The following PIK3C3 variants were observed in gnomAD, a reference collection of about 807,000 sequenced individuals.
The protein encoded by PIK3C3 is PI3-kinase type 3.
PIK3C3 carries 95 observed loss-of-function variants against 126.1 expected under a neutral mutation model. The observed-to-expected ratio is 0.75, with a 90% CI of 0.64 to 0.89. The LOEUF is 0.89. Among genes scored for constraint, PIK3C3 ranks in the 40% least tolerant of loss-of-function variants. The probability of loss-of-function intolerance (pLI) is 0.00; values close to 1 mark genes in which losing one functional copy is unlikely to be tolerated. For missense variants in PIK3C3, 829 were observed against 1,063.2 expected (o/e 0.78, Z 3.06); for synonymous variants, 374 against 360.0 (o/e 1.04, Z -0.44).
At chr18:42,076,210 ACATATATATATG>A (rs1568013995) in intron 24 of PIK3C3, among the ~76,000 whole-genome samples, 81 of 141,422 alleles carry the variant, frequency 5.7e-4, no homozygotes, top group African/African-American at 1.9e-3. Context: ...ATATATATGC[ACATATATATATG>A]CATATATATA....
chr18:42,057,544 A>G (rs1985126425), intron 21 of PIK3C3: 1 of 193,226 alleles, frequency 5.2e-6, no homozygotes, highest in Non-Finnish European at 1.0e-5. Flanking sequence ...AAAATTTTCT[A>G]CAAGATTCCA....
At chr18:41,991,405 T>C (rs937181671) in intron 6 of PIK3C3, among the ~76,000 whole-genome samples, 1 of 152,094 alleles carries the variant, frequency 6.6e-6, no homozygotes, top group Non-Finnish European at 1.5e-5. Context: ...TGAAACCACA[T>C]AAAGTATCTT....
At chr18:42,072,855 C>CT (rs1985832951) in intron 24 of PIK3C3, among the ~76,000 whole-genome samples, 1 of 152,060 alleles carries the variant, frequency 6.6e-6, no homozygotes, top group Non-Finnish European at 1.5e-5. Context: ...CTTTACAGTG[C>CT]TTTCGAGGGT....
At chr18:42,056,990 A>G (rs1985094647) in intron 21 of PIK3C3, among the ~76,000 whole-genome samples, 4 of 151,214 alleles carry the variant, frequency 2.6e-5, no homozygotes, top group Admixed American at 2.6e-4. Context: ...ATTAAAGCCC[A>G]TTTTGGGATT....
Position 42,079,415 on chromosome 18 carries a change from G to A in PIK3C3, c.2650-1708G>A, listed in dbSNP as rs187858620. On this transcript the variant is annotated intron_variant, in intron 24 of 24. Transcript: ENST00000262039. Reference sequence around the variant, plus strand: ...ATTTACAATAGTGATAACGAAGATCGCTGATCATAGATCACCATAGCAGGT... The same window carrying A: ...ATTTACAATAGTGATAACGAAGATCACTGATCATAGATCACCATAGCAGGT... 2.5e-3 allele frequency among the ~76,000 whole-genome samples: 387 copies of A among 152,220 alleles called. 2 individuals carry two copies. The highest frequency in any genetic ancestry group is 9.0e-3 in the African/African-American group (374 of 41,532).
rs1598971445 is a variant in PIK3C3, at chr18:42,085,933, A to G, written c.*4796A>G. ...AAACTCCATCTCTTCAAAAATATAT[A>G]TTTGTGTGTGTGTGTGTGTGTATGT... On this transcript the variant is annotated 3_prime_UTR_variant, in exon 25 of 25. Coordinates refer to ENST00000262039, the MANE Select transcript of PIK3C3 (RefSeq NM_002647.4). The G allele has an allele frequency of 8.5e-6, 1 of 118,242 alleles. No homozygotes were observed. Among genetic ancestry groups the G allele is most frequent in the African/African-American group, 4.2e-5 (1 of 23,732 alleles). 7.3% of individuals were successfully genotyped at this position (118,242 alleles called of 1,614,324 possible). A position where few individuals can be genotyped will look rare whatever the true frequency, so the allele number is the denominator to read the frequency against.
chr18:42,038,771 T>G lies in PIK3C3; in HGVS notation c.1969-10T>G. ...CATTTGGTTAATATATTTTACCTTT[T>G]GATTAAAAGCTGTTACGGAAAGAAA... On this transcript the variant is annotated splice_polypyrimidine_tract_variant and intron_variant, in intron 17 of 24. Transcript: ENST00000262039. 6.4e-7 allele frequency: 1 copy of G among 1,574,606 alleles called. No individual in the cohort carries two copies. The highest frequency in any genetic ancestry group is 1.1e-5 in the South Asian group (1 of 89,722).
At chr18:41,973,032 C>T (rs1980744446) in intron 4 of PIK3C3, among the ~76,000 whole-genome samples, 1 of 152,046 alleles carries the variant, frequency 6.6e-6, no homozygotes, top group South Asian at 2.1e-4. Flanking sequence ...TTTGCAAAAT[C>T]AGGTGTTTAG....
chr18:42,038,703 T>A (rs1395840692), intron 17 of PIK3C3, 78 bp from the exon 18 acceptor site: 1 of 840,080 alleles, frequency 1.2e-6, no homozygotes, highest in Non-Finnish European at 2.0e-6. Context: ...TACATTAAAC[T>A]GCTATACTAT....
At chr18:41,962,302 A>G (rs1183513611) in intron 2 of PIK3C3, among the ~76,000 whole-genome samples, 187 bp from the exon 3 acceptor site, 1 of 152,142 alleles carries the variant, frequency 6.6e-6, no homozygotes, top group Admixed American at 6.5e-5. Flanking sequence ...TATTAAAACA[A>G]TTATGTTTTT....
In PIK3C3 at chr18:41,957,751, A is replaced by T. The variant is rs1161597156; in HGVS notation, c.250A>T (p.Arg84Ter). The change falls in exon 2 of 25, where the codon AGA (arginine) becomes TGA (stop). Residue 84 changes from arginine to a stop codon, truncating the protein, a stop_gained. Transcript: ENST00000262039. LOFTEE classifies it high-confidence loss of function. Reference protein sequence around the residue: ...VRTSYKAFSTRWNWNEWLKLP... With the variant: ...VRTSYKAFST Reference sequence around the variant, plus strand: ...AACATCCTACAAAGCATTTAGTACAAGATGGAAGTAAGTTTTTTTGTGGCA... The same window carrying T: ...AACATCCTACAAAGCATTTAGTACATGATGGAAGTAAGTTTTTTTGTGGCA... The T allele has an allele frequency of 6.2e-7, 1 of 1,608,012 alleles. No individual in the cohort carries two copies. Among genetic ancestry groups the T allele is most frequent in the Non-Finnish European group, 8.5e-7 (1 of 1,178,256 alleles).
At chr18:41,997,235 GGAGA>G (rs1247712273) in intron 9 of PIK3C3, among the ~76,000 whole-genome samples, 1 of 152,092 alleles carries the variant, frequency 6.6e-6, no homozygotes, top group African/African-American at 2.4e-5. Flanking sequence ...AGATGTGGCT[GGAGA>G]GAGAGTATGA....
intron 14 of PIK3C3, among the ~76,000 whole-genome samples, chr18:42,028,938 T>A (rs938692002): frequency 7.2e-5 from 11 of 152,240 alleles, no homozygotes; most frequent in African/African-American, 2.7e-4. Flanking sequence ...ATCTATATCT[T>A]TGTTTCTGCC....
intron 9 of PIK3C3, among the ~76,000 whole-genome samples, chr18:42,000,283 C>G (rs535325172): frequency 3.0e-4 from 46 of 152,084 alleles, no homozygotes; most frequent in Non-Finnish European, 4.9e-4. Flanking sequence ...AACTACTGGC[C>G]TCAGGTGATC....
chr18:42,007,849 ATTCATC>A (rs1467439899), intron 10 of PIK3C3, among the ~76,000 whole-genome samples: 1 of 152,198 alleles, frequency 6.6e-6, no homozygotes, highest in Non-Finnish European at 1.5e-5. Flanking sequence ...GTAGTTCAAT[ATTCATC>A]TTTGTCTTGT....
At chr18:41,961,035 T>G (rs1980058641) in intron 2 of PIK3C3, among the ~76,000 whole-genome samples, 2 of 152,132 alleles carry the variant, frequency 1.3e-5, no homozygotes. Flanking sequence ...AGAACTCTTC[T>G]GCAGAAGCCT....
rs776412741 is a variant in PIK3C3 at position 42,043,803 on chromosome 18, AC to A, written c.2175del (p.Tyr725Ter). ...ATTAGTGCTGAGGTCATGGACACTT[AC>A]GTTAAAAGCTGTGGTAAGTTTTTCA... ...NGISAEVMDT[Y>X]VKSCAGYCVI... On this transcript the variant is annotated frameshift_variant, in exon 20 of 25. Coordinates refer to ENST00000262039, the MANE Select transcript of PIK3C3 (RefSeq NM_002647.4). LOFTEE classifies it high-confidence loss of function. 13 of 1,611,900 alleles carry A rather than the reference AC, an allele frequency of 8.1e-6. No individual in the cohort carries two copies. Among genetic ancestry groups the A allele is most frequent in the South Asian group, 2.2e-5 (2 of 90,984 alleles).
chr18:42,006,429 C>T (rs900039547), intron 10 of PIK3C3, among the ~76,000 whole-genome samples: 5 of 41,768 alleles, frequency 1.2e-4, no homozygotes, highest in Admixed American at 5.8e-4. Context: ...GGCTGCTGGC[C>T]GATTAAGTCA....
intron 13 of PIK3C3, chr18:42,025,445 T>C (rs1444077995): frequency 6.6e-6 from 1 of 152,214 alleles, no homozygotes; most frequent in African/African-American, 2.4e-5. Flanking sequence ...TTTGAGGTAG[T>C]GCTATGTTCT....
Sources: allele counts gnomAD v4.1 joint callset (sites outside exome capture counted in the v4.1 genomes callset), GRCh38; gene constraint gnomAD v4.1.1; transcripts MANE v1.5; gene names NCBI Gene and HGNC (gene_info 2026-07-23, HGNC 2026-07-21).